The following CTPS1 variants were observed in gnomAD, a reference collection of about 807,000 sequenced individuals.
The protein encoded by CTPS1 is CTP synthase 1, also known as CTP synthetase 1.
In CTPS1, 25 loss-of-function variants were observed where a neutral mutation model predicts 80.5. The ratio of observed to expected loss-of-function variants is 0.31; its 90% CI spans 0.23 to 0.43. The LOEUF is 0.43. CTPS1 is among the 20% of genes least tolerant of loss of function. The probability of loss-of-function intolerance (pLI) is 1.00; values close to 1 mark genes in which losing one functional copy is unlikely to be tolerated. For missense variants in CTPS1, 442 were observed against 725.7 expected (o/e 0.61, Z 4.49); for synonymous variants, 267 against 252.5 (o/e 1.06, Z -0.54).
In CTPS1 at chr1:41,009,465, G is replaced by A; in HGVS notation, c.1567G>A (p.Val523Ile). The A allele has an allele frequency of 6.3e-7, 1 of 1,589,926 alleles. No homozygotes were observed. The highest frequency in any genetic ancestry group is 1.1e-5 in the South Asian group (1 of 87,130). ...ELEDHPFFVG[V>I]QYHPEFLSRP... ...TTCAGATCATCCCTTTTTTGTTGGG[G>A]TTCAGTACCACCCTGAGTTCCTGTC... The change falls in exon 17 of 19, where the codon GTT becomes ATT. Residue 523 changes from valine (V) to isoleucine (I), a missense_variant. Physicochemically the swap from Val to Ile is conservative, Grantham distance 29 (BLOSUM62 3). Transcript: ENST00000650070.
intron 17 of CTPS1, among the ~76,000 whole-genome samples, chr1:41,009,902 A>G (rs1244494079): frequency 6.6e-6 from 1 of 152,214 alleles, no homozygotes; most frequent in African/African-American, 2.4e-5. Context: ...TTTATGTCCC[A>G]TTGCCACCTT....
chr1:40,998,698 C>A (rs935250429), intron 9 of CTPS1, among the ~76,000 whole-genome samples: 5 of 152,180 alleles, frequency 3.3e-5, no homozygotes, highest in Non-Finnish European at 1.5e-5. Context: ...GGCCCATCAG[C>A]TGAAGCTTTT....
At chr1:40,999,354 A>G (rs895941025) in intron 9 of CTPS1, among the ~76,000 whole-genome samples, 2 of 152,222 alleles carry the variant, frequency 1.3e-5, no homozygotes. Context: ...CCTGAGGTTC[A>G]GGAAACTAAC....
chr1:40,992,346 T>C (rs1252071148), intron 7 of CTPS1, among the ~76,000 whole-genome samples: 1 of 151,316 alleles, frequency 6.6e-6, no homozygotes, highest in Admixed American at 6.6e-5. Flanking sequence ...ATCTTTCTGG[T>C]GTGTGTGTGT....
intron 5 of CTPS1, among the ~76,000 whole-genome samples, chr1:40,989,764 A>G (rs968282703): frequency 6.6e-6 from 1 of 152,232 alleles, no homozygotes; most frequent in Non-Finnish European, 1.5e-5. Context: ...GAGATAAGCT[A>G]TATCCGTTAG....
chr1:40,982,799 TTGA>T (rs1389375580), intron 1 of CTPS1, among the ~76,000 whole-genome samples: 1 of 152,256 alleles, frequency 6.6e-6, no homozygotes, highest in Non-Finnish European at 1.5e-5. Context: ...CTGTGTTTTC[TTGA>T]TGATATGTTG....
At chr1:40,987,599 G>C in intron 4 of CTPS1, 127 bp downstream of exon 4, 1 of 591,910 alleles carries the variant, frequency 1.7e-6, no homozygotes, top group South Asian at 1.8e-5. Flanking sequence ...TTGCAATGTG[G>C]CAGGTAAGGG....
intron 4 of CTPS1, 102 bp downstream of exon 4, chr1:40,987,574 C>T (rs1642487482): frequency 1.2e-6 from 1 of 835,726 alleles, no homozygotes; most frequent in South Asian, 1.5e-5. Flanking sequence ...GCCTTCCTAT[C>T]TCTGGTGCAG....
intron 13 of CTPS1, among the ~76,000 whole-genome samples, chr1:41,006,444 G>A (rs1010797658): frequency 1.8e-4 from 28 of 152,134 alleles, no homozygotes; most frequent in African/African-American, 5.8e-4. Flanking sequence ...TGTGCCAGCC[G>A]CTGCTCTCAC....
intron 1 of CTPS1, 42 bp downstream of exon 1, chr1:40,979,871 G>T (rs1287649168): frequency 2.0e-5 from 3 of 152,212 alleles, no homozygotes; most frequent in African/African-American, 7.2e-5. Flanking sequence ...CTGTTCTCCC[G>T]CGCAGGAGTC....
At chr1:41,003,469 G>C (rs753838642) in intron 12 of CTPS1, among the ~76,000 whole-genome samples, 24 of 152,160 alleles carry the variant, frequency 1.6e-4, no homozygotes, top group Non-Finnish European at 2.8e-4. Context: ...CTGGTGCCTG[G>C]TGTGAAGTCC....
At position 41,001,828 on chromosome 1, in the gene CTPS1, C is replaced by T. The variant is rs145607311; in HGVS notation, c.1095-332C>T. ...GCAGTGAGCTGTGATCACACCACTG[C>T]ACTCCAGCCTGGGTAACAGTGTGAG... is the stretch of plus-strand genomic sequence containing the variant. On this transcript the variant is annotated intron_variant, in intron 10 of 18. Coordinates refer to ENST00000650070, the MANE Select transcript of CTPS1 (RefSeq NM_001905.4). Among the ~76,000 whole-genome samples the T allele has an allele frequency of 6.4e-3, 975 of 152,238 alleles. 3 individuals are homozygous for T. The highest frequency in any genetic ancestry group is 0.01 in the Non-Finnish European group (707 of 68,032).
At chr1:40,984,739 G>T in intron 2 of CTPS1, 82 bp from the exon 3 acceptor site, 1 of 1,086,344 alleles carries the variant, frequency 9.2e-7, no homozygotes, top group South Asian at 2.6e-5. Context: ...CCTTGTTAAT[G>T]AGTGTTTTAT....
At chr1:40,989,638 A>G (rs1002343177) in intron 5 of CTPS1, among the ~76,000 whole-genome samples, 1 of 152,168 alleles carries the variant, frequency 6.6e-6, no homozygotes, top group Admixed American at 6.5e-5. Context: ...TAAGAGACCA[A>G]ACAACAGAAA....
intron 9 of CTPS1, among the ~76,000 whole-genome samples, chr1:40,998,587 G>A (rs1423234026): frequency 6.6e-6 from 1 of 152,086 alleles, no homozygotes; most frequent in Non-Finnish European, 1.5e-5. Flanking sequence ...AGAAGTTCAT[G>A]AATACAAAGT....
At chr1:40,993,774 C>CTTTTTTTTTTTTTTTTTTT (rs71278720) in intron 7 of CTPS1, among the ~76,000 whole-genome samples, 2 of 85,772 alleles carry the variant, frequency 2.3e-5, no homozygotes, top group African/African-American at 4.1e-5. Context: ...TTTCTTCTCT[C>CTTTTTTTTTTTTTTTTTTT]TTTTTTTTTT....
intron 1 of CTPS1, chr1:40,981,880 C>T (rs1642312343): frequency 1.4e-6 from 1 of 709,696 alleles, no homozygotes; most frequent in Non-Finnish European, 2.0e-6. Context: ...GGGGGTGGGG[C>T]GGGGGAATGC....
intron 17 of CTPS1, among the ~76,000 whole-genome samples, chr1:41,009,803 GTGC>G (rs1283883212): frequency 1.3e-5 from 2 of 152,156 alleles, no homozygotes; most frequent in Admixed American, 1.3e-4. Flanking sequence ...AGCTCTGGTG[GTGC>G]TGACCAGATC....
At chr1:40,988,807 C>G (rs948338353) in intron 5 of CTPS1, 97 bp downstream of exon 5, 21 of 778,066 alleles carry the variant, frequency 2.7e-5, no homozygotes, top group Admixed American at 1.3e-4. Context: ...GTAGTTTTCA[C>G]TTGAGGTGCA....
Sources: allele counts gnomAD v4.1 joint callset (sites outside exome capture counted in the v4.1 genomes callset), GRCh38; gene constraint gnomAD v4.1.1; transcripts MANE v1.5; gene names NCBI Gene and HGNC (gene_info 2026-07-23, HGNC 2026-07-21).